Variants in VWA3B observed in about 807,000 individuals in gnomAD.
VWA3B encodes von Willebrand factor A domain containing 3B, also known as von Willebrand factor A domain-containing protein 3B.
Under a neutral mutation model 158.3 loss-of-function variants are expected in VWA3B, and 138 were observed. That is an observed-to-expected ratio of 0.87 (90% CI 0.76 to 1.00). The LOEUF is 1.00. Among genes scored for constraint, VWA3B ranks in the 50% least tolerant of loss-of-function variants. The pLI is 0.00. For synonymous variants in VWA3B, 596 were observed against 587.3 expected (o/e 1.01, Z -0.21); for missense variants, 1,555 against 1,565.1 (o/e 0.99, Z 0.11).
chr2:98,296,939 A>G (rs1689837640), intron 23 of VWA3B, among the ~76,000 whole-genome samples: 1 of 151,078 alleles, frequency 6.6e-6, no homozygotes, highest in South Asian at 2.1e-4. Flanking sequence ...GTTTGTGTGT[A>G]TATATATTAG....
At chr2:98,098,019 C>T (rs1260160432) in intron 2 of VWA3B, among the ~76,000 whole-genome samples, 3 of 151,966 alleles carry the variant, frequency 2.0e-5, no homozygotes, top group African/African-American at 2.4e-5. Flanking sequence ...TCAATGTATT[C>T]GTTAATTTTC....
chr2:98,185,394 C>A (rs1680952690), intron 9 of VWA3B, among the ~76,000 whole-genome samples: 1 of 152,240 alleles, frequency 6.6e-6, no homozygotes. Flanking sequence ...TCCGTCTTTT[C>A]TGGCTTATCT....
intron 15 of VWA3B, chr2:98,228,892 T>C (rs1685131062): frequency 6.6e-6 from 1 of 152,240 alleles, no homozygotes; most frequent in South Asian, 2.1e-4. Context: ...CTTATTAAAA[T>C]GATTTAATAT....
At chr2:98,240,506 A>G (rs1686011754) in intron 19 of VWA3B, among the ~76,000 whole-genome samples, 1 of 152,180 alleles carries the variant, frequency 6.6e-6, no homozygotes, top group Non-Finnish European at 1.5e-5. Context: ...TGCATTTTAA[A>G]TTTTGATAAT....
chr2:98,132,473 T>A (rs1000190685), intron 6 of VWA3B, among the ~76,000 whole-genome samples: 1 of 152,238 alleles, frequency 6.6e-6, no homozygotes, highest in Admixed American at 6.5e-5. Flanking sequence ...AGAGGCTGTG[T>A]CTGGGTAGAA....
At chr2:98,264,844 T>C (rs1687699677) in intron 21 of VWA3B, among the ~76,000 whole-genome samples, 1 of 152,222 alleles carries the variant, frequency 6.6e-6, no homozygotes, top group African/African-American at 2.4e-5. Flanking sequence ...TGTCTATTTC[T>C]TCAGTTCTGT....
chr2:98,180,822 A>G (rs1558643112), intron 8 of VWA3B, among the ~76,000 whole-genome samples, 194 bp from the exon 9 acceptor site: 1 of 152,254 alleles, frequency 6.6e-6, no homozygotes, highest in Non-Finnish European at 1.5e-5. Flanking sequence ...AGGTTGGTGC[A>G]AAAGTAGTCG....
chr2:98,326,376 G>T, the VWA3B span, among the ~76,000 whole-genome samples: 41 of 152,294 alleles, frequency 2.7e-4, no homozygotes, highest in Non-Finnish European at 5.3e-4. Flanking sequence ...TTATATCTAT[G>T]AAAGAAAGTA....
chr2:98,223,801 G>A (rs551580055), intron 14 of VWA3B, among the ~76,000 whole-genome samples: 114 of 152,210 alleles, frequency 7.5e-4, no homozygotes, highest in African/African-American at 2.7e-3. Flanking sequence ...CACAATCTTG[G>A]CTCACTGAAG....
At chr2:98,106,219 G>A (rs566776671) in intron 2 of VWA3B, among the ~76,000 whole-genome samples, 1 of 151,972 alleles carries the variant, frequency 6.6e-6, no homozygotes, top group African/African-American at 2.4e-5. Context: ...CTGGCCCTAG[G>A]TTCTCTATTT....
chr2:98,185,877 T>C (rs186377895), intron 9 of VWA3B, among the ~76,000 whole-genome samples: 91 of 152,294 alleles, frequency 6.0e-4, no homozygotes, highest in African/African-American at 2.0e-3. Flanking sequence ...TCTTAAAAAG[T>C]TTTTTGATCC....
At chr2:98,228,109 T>G (rs1685058215) in intron 14 of VWA3B, 93 bp from the exon 15 acceptor site, 21 of 1,418,206 alleles carry the variant, frequency 1.5e-5, no homozygotes, top group Non-Finnish European at 1.9e-5. Flanking sequence ...GGCAACATAG[T>G]GAACCTCTTG....
At chr2:98,256,018 TG>T in intron 20 of VWA3B, 105 bp from the exon 21 acceptor site, 1 of 1,227,224 alleles carries the variant, frequency 8.1e-7, no homozygotes, top group Non-Finnish European at 1.2e-6. Context: ...CCTGGCTCAG[TG>T]GAGATGATGC....
chr2:98,187,546 C>T (rs1474302008), intron 9 of VWA3B, among the ~76,000 whole-genome samples: 2 of 152,096 alleles, frequency 1.3e-5, no homozygotes, highest in Non-Finnish European at 2.9e-5. Flanking sequence ...GTCGCTCTCT[C>T]TTCTTTACCA....
chr2:98,250,241 A>C (rs1686710117), intron 19 of VWA3B, 77 bp from the exon 20 acceptor site: 2 of 999,614 alleles, frequency 2.0e-6, no homozygotes, highest in Non-Finnish European at 3.0e-6. Context: ...ATGTTATACA[A>C]CTATGTAGAT....
At chr2:98,151,474 G>A (rs1219501868) in intron 7 of VWA3B, among the ~76,000 whole-genome samples, 1 of 152,210 alleles carries the variant, frequency 6.6e-6, no homozygotes, top group East Asian at 1.9e-4. Flanking sequence ...CCACATTTAA[G>A]GCCCCCACTC....
intron 12 of VWA3B, among the ~76,000 whole-genome samples, chr2:98,194,906 C>A (rs1235423830): frequency 6.6e-6 from 1 of 152,064 alleles, no homozygotes; most frequent in Non-Finnish European, 1.5e-5. Flanking sequence ...TGTGGAAATA[C>A]ACAGTACAAT....
chr2:98,101,002 C>A (rs529661420), intron 2 of VWA3B, among the ~76,000 whole-genome samples: 1 of 152,226 alleles, frequency 6.6e-6, no homozygotes, highest in African/African-American at 2.4e-5. Flanking sequence ...CATCTCTGTT[C>A]TTTCTTTTTT....
chr2:98,180,540 A>ACT lies in VWA3B; in HGVS notation c.1115-476_1115-475insCT, dbSNP rs1467874422. On this transcript the variant is annotated intron_variant, in intron 8 of 27. Transcript: ENST00000477737. The stretch of plus-strand genomic sequence containing the variant: ...TGCTGCAGTTTACCTAGGAAGGCCA[A>ACT]GCAAATACTGTCTTCCAGCTGCAGG... 2.0e-5 allele frequency among the ~76,000 whole-genome samples: 3 copies of ACT among 152,246 alleles called. No homozygotes were observed. In the East Asian group the frequency reaches 5.8e-4, roughly 29 times the overall value.
Sources: allele counts gnomAD v4.1 joint callset (sites outside exome capture counted in the v4.1 genomes callset), GRCh38; gene constraint gnomAD v4.1.1; transcripts MANE v1.5; gene names NCBI Gene and HGNC (gene_info 2026-07-23, HGNC 2026-07-21).